RASL12: variants seen among roughly 807,000 people sequenced by gnomAD.
RASL12 encodes ras-like protein family member 12.
A neutral mutation model predicts 22.9 loss-of-function variants in RASL12; 16 were observed. That is an observed-to-expected ratio of 0.70 (90% CI 0.47 to 1.06). The LOEUF (loss-of-function observed/expected upper bound fraction) is 1.06. Ranked by LOEUF, RASL12 falls within the 50% of genes least tolerant of loss-of-function variation. The pLI is 0.00. For synonymous variants in RASL12, 159 were observed against 152.2 expected, an observed-to-expected ratio of 1.04 and a Z score of -0.33; for missense variants, 306 against 353.1, an observed-to-expected ratio of 0.87 and a Z score of 1.07.
At chr15:65,066,604 C>T (rs2086882086) in intron 1 of RASL12, among the ~76,000 whole-genome samples, 1 of 152,000 alleles carries the variant, frequency 6.6e-6, no homozygotes, top group African/African-American at 2.4e-5. Context: ...CCAGGGAATA[C>T]ATATTTTAAA....
Position 65,061,893 on chromosome 15 carries a change from C to CA in RASL12, c.161-2476dup, listed in dbSNP as rs201690537. ...TGAAACCCTGTCTCTACTAAAAATA[C>CA]AAAAAAATTAGCCGGGCATGGTGGC... On this transcript the variant is annotated intron_variant, in intron 2 of 4. Coordinates refer to ENST00000220062, the MANE Select transcript of RASL12 (RefSeq NM_016563.4). Among the ~76,000 whole-genome samples, 152 of 151,532 alleles carry CA rather than the reference C, an allele frequency of 1.0e-3. 3 individuals carry two copies. In the East Asian group the frequency reaches 0.026, roughly 26 times the overall value.
chr15:65,053,374 T>C lies in RASL12; in HGVS notation c.*1525A>G, dbSNP rs548131435. ...AAAAAATCTTTTATTAAAATGCTCC[T>C]GGAAGGGAGCAGGTGGTATTGCATA... On this transcript the variant is annotated 3_prime_UTR_variant, in exon 5 of 5. Coordinates refer to ENST00000220062, the MANE Select transcript of RASL12 (RefSeq NM_016563.4). 18 of 1,386,244 alleles carry C rather than the reference T, an allele frequency of 1.3e-5. No individual in the cohort carries two copies. The African/African-American group carries it at 2.6e-4, about 20-fold the overall frequency. The allele number at this position is 1,386,244 out of a possible 1,614,324, so 85.9% of individuals were successfully genotyped here.
chr15:65,069,675 T>A (rs543752431), upstream of RASL12, among the ~76,000 whole-genome samples: 1 of 152,334 alleles, frequency 6.6e-6, no homozygotes, highest in African/African-American at 2.4e-5. Context: ...ACCATCTGAC[T>A]GTCCATAGTT....
At chr15:65,045,941 C>T in the RASL12 span, among the ~76,000 whole-genome samples, 5 of 151,550 alleles carry the variant, frequency 3.3e-5, no homozygotes, top group African/African-American at 4.9e-5. Flanking sequence ...CGAGGCAGGC[C>T]GATCACCTGA....
At chr15:65,062,000 G>A (rs1194816735) in intron 2 of RASL12, among the ~76,000 whole-genome samples, 1 of 151,034 alleles carries the variant, frequency 6.6e-6, no homozygotes, top group Non-Finnish European at 1.5e-5. Flanking sequence ...AGAATGGTGT[G>A]AACCCGGGAG....
At chr15:65,050,820 CT>C (rs778689583), downstream of RASL12, among the ~76,000 whole-genome samples, 2 of 111,594 alleles carry the variant, frequency 1.8e-5, no homozygotes, top group African/African-American at 6.4e-5. Context: ...CTTTTTTTTT[CT>C]TTCTTCTTCT....
At chr15:65,051,595 C>G (rs372394370), downstream of RASL12, 12 of 1,613,122 alleles carry the variant, frequency 7.4e-6, no homozygotes, top group African/African-American at 1.5e-4. Flanking sequence ...AAGAAGCATC[C>G]AGGCAAGCAG....
intron 4 of RASL12, among the ~76,000 whole-genome samples, chr15:65,058,090 G>A (rs767496317): frequency 6.6e-6 from 1 of 152,128 alleles, no homozygotes; most frequent in African/African-American, 2.4e-5. Flanking sequence ...CCAAAAAGGC[G>A]AAACCCCATC....
chr15:65,067,142 C>G (rs912327683), intron 1 of RASL12, among the ~76,000 whole-genome samples: 2 of 152,080 alleles, frequency 1.3e-5, no homozygotes, highest in African/African-American at 4.8e-5. Flanking sequence ...AGTGGACCTT[C>G]CCTGAGAAAT....
downstream of RASL12, among the ~76,000 whole-genome samples, chr15:65,052,801 A>G (rs2086671875): frequency 6.6e-6 from 1 of 152,186 alleles, no homozygotes; most frequent in Admixed American, 6.5e-5. Context: ...CTCAAGGGTA[A>G]GCCATTTCTC....
At chr15:65,063,474 C>G (rs550802463) in intron 2 of RASL12, among the ~76,000 whole-genome samples, 1 of 152,296 alleles carries the variant, frequency 6.6e-6, no homozygotes, top group African/African-American at 2.4e-5. Context: ...CTCTCTGGAG[C>G]TGACCTCTGC....
intron 1 of RASL12, among the ~76,000 whole-genome samples, chr15:65,067,127 G>C (rs141630584): frequency 1.3e-5 from 2 of 152,108 alleles, no homozygotes; most frequent in African/African-American, 2.4e-5. Context: ...GGGTGGGAGT[G>C]GGGGAGTGGA....
At chr15:65,048,164 G>A in the RASL12 span, among the ~76,000 whole-genome samples, 18 of 149,708 alleles carry the variant, frequency 1.2e-4, no homozygotes, top group African/African-American at 4.0e-4. Context: ...CTGGGCGACA[G>A]AGCAAGACTC....
intron 2 of RASL12, among the ~76,000 whole-genome samples, chr15:65,061,273 G>A (rs1439390903): frequency 6.6e-6 from 1 of 152,246 alleles, no homozygotes; most frequent in Non-Finnish European, 1.5e-5. Flanking sequence ...AGGGCTTCCA[G>A]GCTGGGCTGT....
Position 65,053,512 on chromosome 15 carries a change from TG to T in RASL12, c.*1386del, listed in dbSNP as rs2140511719. The T allele has an allele frequency of 9.2e-7, 1 of 1,091,718 alleles. No homozygotes were observed. Among genetic ancestry groups the T allele is most frequent in the South Asian group, 2.7e-5 (1 of 37,164 alleles). The allele number at this position is 1,091,718 out of a possible 1,614,324, so 67.6% of individuals were successfully genotyped here. A position where few individuals can be genotyped will look rare whatever the true frequency, so the allele number is the denominator to read the frequency against. On this transcript the variant is annotated 3_prime_UTR_variant, in exon 5 of 5. Coordinates refer to ENST00000220062, the MANE Select transcript of RASL12 (RefSeq NM_016563.4). ...CGGGAAGCCTGTAGGACTGCAAGCA[TG>T]TGGTCTTGAGTAGTTCACAGCCCCC...
rs2086695903 is a variant in RASL12, at chr15:65,054,202, G to A, written c.*697C>T. Reference sequence around the variant, plus strand: ...CCTTAACAGTGGGAAAACACATGGAGAATCTGTCTGCTGGTGAAAGAACTC... The same window carrying A: ...CCTTAACAGTGGGAAAACACATGGAAAATCTGTCTGCTGGTGAAAGAACTC... On this transcript the variant is annotated 3_prime_UTR_variant, in exon 5 of 5. Transcript: ENST00000220062. 8.1e-6 allele frequency: 8 copies of A among 985,840 alleles called. No individual in the cohort carries two copies. In the South Asian group the frequency reaches 3.8e-4, roughly 46 times the overall value. The allele number at this position is 985,840 out of a possible 1,614,324, so 61.1% of individuals were successfully genotyped here.
At chr15:65,065,079 G>A in intron 2 of RASL12, 138 bp downstream of exon 2, 2 of 732,612 alleles carry the variant, frequency 2.7e-6, no homozygotes, top group South Asian at 4.0e-5. Context: ...TTTCCCCCAT[G>A]GGCTGGGTCA....
Position 65,058,415 on chromosome 15 carries a change from G to T in RASL12, c.425+12C>A. On this transcript the variant is annotated intron_variant, in intron 4 of 4. Transcript: ENST00000220062. ...GAGCTCTGGAGATAACGGCCAAGCA[G>T]GCTGTGCTCACCTGTACTGAGCCAT... The T allele has an allele frequency of 6.9e-7, 1 of 1,452,238 alleles. No homozygotes were observed. The highest frequency in any genetic ancestry group is 9.2e-7 in the Non-Finnish European group (1 of 1,089,882). 90.0% of individuals were successfully genotyped at this position (1,452,238 alleles called of 1,614,324 possible).
upstream of RASL12, among the ~76,000 whole-genome samples, chr15:65,071,483 G>A (rs934132683): frequency 2.0e-5 from 3 of 152,122 alleles, no homozygotes; most frequent in Admixed American, 6.5e-5. Flanking sequence ...CCTTGGGGGC[G>A]GGACCAAAGG....
Sources: allele counts gnomAD v4.1 joint callset (sites outside exome capture counted in the v4.1 genomes callset), GRCh38; gene constraint gnomAD v4.1.1; transcripts MANE v1.5; gene names NCBI Gene and HGNC (gene_info 2026-07-23, HGNC 2026-07-21).